NELL1: variants seen among roughly 807,000 people sequenced by gnomAD.
NELL1 encodes neural EGFL like 1.
A neutral mutation model predicts 107.4 loss-of-function variants in NELL1; 76 were observed. The observed-to-expected ratio is 0.71, with a 90% confidence interval of 0.59 to 0.86. The LOEUF is 0.86. Ranked by LOEUF, NELL1 falls within the 40% of genes least tolerant of loss-of-function variation. The probability of loss-of-function intolerance (pLI) is 0.00; values close to 1 mark genes in which losing one functional copy is unlikely to be tolerated. For synonymous variants in NELL1, 353 were observed against 341.2 expected (o/e 1.03, Z -0.38); for missense variants, 1,024 against 1,005.5 (o/e 1.02, Z -0.25).
intron 16 of NELL1, among the ~76,000 whole-genome samples, chr11:21,555,245 T>G (rs533661375): frequency 1.3e-5 from 2 of 152,008 alleles, no homozygotes; most frequent in Admixed American, 1.3e-4. Context: ...AGGGCAATAT[T>G]ATATTCCAGA....
intron 3 of NELL1, among the ~76,000 whole-genome samples, chr11:20,819,292 A>T (rs1351507253): frequency 6.6e-6 from 1 of 152,220 alleles, no homozygotes; most frequent in African/African-American, 2.4e-5. Flanking sequence ...ATAGTGGAAC[A>T]GGTGAGGTTG....
intron 14 of NELL1, among the ~76,000 whole-genome samples, chr11:21,293,241 A>T (rs1450427557): frequency 6.6e-6 from 1 of 152,088 alleles, no homozygotes; most frequent in African/African-American, 2.4e-5. Context: ...GAAAAAAAAC[A>T]AACAACAAAA....
At chr11:21,447,170 A>C (rs1163721025) in intron 15 of NELL1, among the ~76,000 whole-genome samples, 1 of 152,116 alleles carries the variant, frequency 6.6e-6, no homozygotes, top group Non-Finnish European at 1.5e-5. Flanking sequence ...CCTTCAGAGC[A>C]GTGGGCTCCC....
intron 15 of NELL1, among the ~76,000 whole-genome samples, chr11:21,533,481 T>A (rs1364350559): frequency 6.6e-6 from 1 of 152,190 alleles, no homozygotes; most frequent in African/African-American, 2.4e-5. Context: ...AATAATTACT[T>A]GGAGAAATTC....
chr11:21,266,998 C>T (rs1848649016), intron 14 of NELL1, among the ~76,000 whole-genome samples: 1 of 151,972 alleles, frequency 6.6e-6, no homozygotes, highest in African/African-American at 2.4e-5. Context: ...TGAAAACATC[C>T]ATGAACTATG....
At chr11:20,890,310 A>G (rs574593713) in intron 5 of NELL1, among the ~76,000 whole-genome samples, 222 of 152,288 alleles carry the variant, frequency 1.5e-3, no homozygotes, top group African/African-American at 5.2e-3. Flanking sequence ...TAACAGCAAC[A>G]GCATCATCAA....
chr11:20,724,574 A>G (rs1855467040), intron 2 of NELL1, among the ~76,000 whole-genome samples: 1 of 152,156 alleles, frequency 6.6e-6, no homozygotes, highest in South Asian at 2.1e-4. Context: ...ATTCCAGTTC[A>G]CAGCAAGTTC....
At chr11:21,312,261 G>C (rs1166101528) in intron 14 of NELL1, among the ~76,000 whole-genome samples, 1 of 152,110 alleles carries the variant, frequency 6.6e-6, no homozygotes, top group Non-Finnish European at 1.5e-5. Flanking sequence ...TATGAATCCA[G>C]CTAGTTTGAC....
intron 15 of NELL1, among the ~76,000 whole-genome samples, chr11:21,450,916 T>A (rs1467173771): frequency 1.3e-5 from 2 of 151,436 alleles, no homozygotes; most frequent in East Asian, 1.9e-4. Flanking sequence ...GCAGGCCGGG[T>A]GCGGTGGCTC....
intron 2 of NELL1, among the ~76,000 whole-genome samples, chr11:20,755,558 T>TATTTTTTTTTTTTATTTA (rs1564895070): frequency 3.6e-4 from 6 of 16,456 alleles, no homozygotes; most frequent in East Asian, 2.9e-3. Flanking sequence ...TTGTTTTTGT[T>TATTTTTTTTTTTTATTTA]TTTGTTTTTT....
At chr11:21,035,930 G>T (rs1266549531) in intron 12 of NELL1, among the ~76,000 whole-genome samples, 1 of 152,100 alleles carries the variant, frequency 6.6e-6, no homozygotes, top group African/African-American at 2.4e-5. Flanking sequence ...CAAATAGGAA[G>T]GGAGGAAGTC....
intron 2 of NELL1, among the ~76,000 whole-genome samples, chr11:20,686,395 A>T (rs879614883): frequency 3.9e-5 from 6 of 152,110 alleles, no homozygotes; most frequent in Non-Finnish European, 7.4e-5. Flanking sequence ...CTTGAAATAA[A>T]TTTTTTTAGG....
At chr11:20,844,574 A>G (rs1564931357) in intron 3 of NELL1, among the ~76,000 whole-genome samples, 1 of 152,136 alleles carries the variant, frequency 6.6e-6, no homozygotes, top group African/African-American at 2.4e-5. Flanking sequence ...ATTGCTCACT[A>G]GATCAGCCTA....
chr11:21,069,833 C>A (rs773114912), intron 12 of NELL1, among the ~76,000 whole-genome samples: 4 of 152,136 alleles, frequency 2.6e-5, no homozygotes, highest in Admixed American at 6.5e-5. Flanking sequence ...AATTTCACCA[C>A]TTGCTATCTG....
At chr11:20,905,542 G>GA (rs1849977486) in intron 5 of NELL1, among the ~76,000 whole-genome samples, 1 of 151,968 alleles carries the variant, frequency 6.6e-6, no homozygotes, top group African/African-American at 2.4e-5. Context: ...AATAAGTCAC[G>GA]AAAATGATGT....
chr11:21,468,790 T>C (rs1854098491), intron 15 of NELL1, among the ~76,000 whole-genome samples: 1 of 152,048 alleles, frequency 6.6e-6, no homozygotes, highest in Non-Finnish European at 1.5e-5. Flanking sequence ...GAGGCATATG[T>C]TCACCCAGAG....
At chr11:21,189,516 T>C (rs912864960) in intron 13 of NELL1, among the ~76,000 whole-genome samples, 1 of 151,750 alleles carries the variant, frequency 6.6e-6, no homozygotes, top group African/African-American at 2.4e-5. Flanking sequence ...GCTCTCAAGG[T>C]TACCTATACT....
intron 13 of NELL1, among the ~76,000 whole-genome samples, chr11:21,132,122 G>A (rs944071771): frequency 1.3e-5 from 2 of 152,152 alleles, no homozygotes; most frequent in Non-Finnish European, 2.9e-5. Flanking sequence ...GTAACATAGA[G>A]GCTCATGGTG....
chr11:21,344,541 G>A (rs1385479262), intron 14 of NELL1, among the ~76,000 whole-genome samples: 1 of 151,890 alleles, frequency 6.6e-6, no homozygotes, highest in Admixed American at 6.6e-5. Context: ...TAAAAACTCA[G>A]CAGTATCCTG....
Sources: allele counts gnomAD v4.1 joint callset (sites outside exome capture counted in the v4.1 genomes callset), GRCh38; gene constraint gnomAD v4.1.1; transcripts MANE v1.5; gene names NCBI Gene and HGNC (gene_info 2026-07-23, HGNC 2026-07-21).